Variants in PHF24 observed in about 807,000 individuals in gnomAD.
The protein encoded by PHF24 is Galpha inhibitory interacting protein.
Under a neutral mutation model 42.6 loss-of-function variants are expected in PHF24, and 25 were observed. The ratio of observed to expected loss-of-function variants is 0.59; its 90% confidence interval spans 0.43 to 0.82. The LOEUF is 0.82. Ranked by LOEUF, PHF24 falls within the 40% of genes least tolerant of loss-of-function variation. The pLI is 0.00. For synonymous variants in PHF24, 185 were observed against 204.8 expected, an observed-to-expected ratio of 0.90 and a Z score of 0.83; for missense variants, 470 against 538.1, an observed-to-expected ratio of 0.87 and a Z score of 1.25.
At chr9:34,835,685 G>T in the PHF24 span, 1 of 1,551,182 alleles carries the variant, frequency 6.4e-7, no homozygotes, top group African/African-American at 1.4e-5. Context: ...TGAAATTCCG[G>T]CCCTAGCTGG....
chr9:34,785,620 G>A, the PHF24 span, among the ~76,000 whole-genome samples: 1 of 152,134 alleles, frequency 6.6e-6, no homozygotes, highest in Non-Finnish European at 1.5e-5. Flanking sequence ...ATAGGTACAG[G>A]AAGTAATACA....
At chr9:34,965,998 A>G (rs1826753886) in intron 1 of PHF24, among the ~76,000 whole-genome samples, 2 of 152,342 alleles carry the variant, frequency 1.3e-5, no homozygotes, top group Non-Finnish European at 2.9e-5. Context: ...AACTTGTGAT[A>G]TAACTCCTGG....
At chr9:34,914,817 G>T in the PHF24 span, among the ~76,000 whole-genome samples, 1 of 151,440 alleles carries the variant, frequency 6.6e-6, no homozygotes, top group Non-Finnish European at 1.5e-5. Context: ...ACAAGGTCTT[G>T]CTCTGTCACC....
the PHF24 span, among the ~76,000 whole-genome samples, chr9:34,747,433 T>A: frequency 6.6e-6 from 1 of 151,684 alleles, no homozygotes; most frequent in Non-Finnish European, 1.5e-5. Flanking sequence ...GAAAAAAAAG[T>A]TATACAAATC....
At chr9:34,921,676 A>C in the PHF24 span, among the ~76,000 whole-genome samples, 2,919 of 152,286 alleles carry the variant, frequency 0.019, 30 homozygotes, top group African/African-American at 0.021. Context: ...GGGTATGCAC[A>C]TTGAGATTGA....
At chr9:34,903,978 C>T in the PHF24 span, among the ~76,000 whole-genome samples, 4 of 151,950 alleles carry the variant, frequency 2.6e-5, no homozygotes, top group African/African-American at 7.3e-5. Flanking sequence ...TTTGATTCTC[C>T]GCTTGGTCAC....
chr9:34,919,314 A>G, the PHF24 span, among the ~76,000 whole-genome samples: 16 of 152,226 alleles, frequency 1.1e-4, no homozygotes, highest in Non-Finnish European at 2.1e-4. Context: ...GAACATTTCA[A>G]ATCTTCTCTT....
the PHF24 span, among the ~76,000 whole-genome samples, chr9:34,822,665 G>T: frequency 5.9e-5 from 9 of 152,270 alleles, no homozygotes; most frequent in African/African-American, 2.2e-4. Flanking sequence ...AAAACTTGGA[G>T]GCCCGTCAGA....
At chr9:34,749,537 A>G in the PHF24 span, among the ~76,000 whole-genome samples, 1 of 150,922 alleles carries the variant, frequency 6.6e-6, no homozygotes, top group Non-Finnish European at 1.5e-5. Context: ...GTTCAAGACC[A>G]GCCTGGGCAA....
the PHF24 span, among the ~76,000 whole-genome samples, chr9:34,721,322 A>G: frequency 2.0e-5 from 3 of 151,884 alleles, no homozygotes; most frequent in African/African-American, 7.3e-5. Flanking sequence ...AATGCCTCAC[A>G]TTTCTGTATC....
At chr9:34,768,165 C>G in the PHF24 span, among the ~76,000 whole-genome samples, 1 of 152,162 alleles carries the variant, frequency 6.6e-6, no homozygotes, top group Admixed American at 6.5e-5. Context: ...AGTTCAAAGA[C>G]AAAATTAGAC....
chr9:34,780,265 T>C, the PHF24 span, among the ~76,000 whole-genome samples: 4 of 151,610 alleles, frequency 2.6e-5, no homozygotes, highest in South Asian at 8.3e-4. Flanking sequence ...ATGTTTTCTT[T>C]TCTTTTCTCT....
the PHF24 span, among the ~76,000 whole-genome samples, chr9:34,890,399 C>G: frequency 6.6e-6 from 1 of 152,192 alleles, no homozygotes; most frequent in African/African-American, 2.4e-5. Context: ...TAGGGCCCTC[C>G]AGGCTGGGTT....
the PHF24 span, among the ~76,000 whole-genome samples, chr9:34,728,285 G>A: frequency 6.6e-6 from 1 of 152,228 alleles, no homozygotes; most frequent in Admixed American, 6.5e-5. Flanking sequence ...ACCACAATGT[G>A]ATTGAGGCAG....
chr9:34,947,058 G>T, the PHF24 span, among the ~76,000 whole-genome samples: 45 of 152,170 alleles, frequency 3.0e-4, no homozygotes, highest in African/African-American at 1.1e-3. Flanking sequence ...TGCTCCATGT[G>T]GTTCTCATTC....
At chr9:34,729,280 C>G in the PHF24 span, 1 of 1,551,740 alleles carries the variant, frequency 6.4e-7, no homozygotes, top group Non-Finnish European at 8.7e-7. Flanking sequence ...GATCACAGCC[C>G]TACCCGGCAG....
the PHF24 span, among the ~76,000 whole-genome samples, chr9:34,886,255 TAA>T: frequency 2.9e-5 from 4 of 137,450 alleles, no homozygotes; most frequent in Non-Finnish European, 1.6e-5. Flanking sequence ...TCTCCTGTCT[TAA>T]AAAAAAAAAA....
chr9:34,842,127 A>G, the PHF24 span, among the ~76,000 whole-genome samples: 22 of 152,144 alleles, frequency 1.4e-4, no homozygotes, highest in East Asian at 5.8e-4. Flanking sequence ...ACTCAGCCCA[A>G]TTATTTGAAT....
the PHF24 span, among the ~76,000 whole-genome samples, chr9:34,742,558 A>G: frequency 6.6e-6 from 1 of 152,058 alleles, no homozygotes; most frequent in African/African-American, 2.4e-5. Context: ...TACGTCACCA[A>G]ATGTGGTGTA....
Sources: allele counts gnomAD v4.1 joint callset (sites outside exome capture counted in the v4.1 genomes callset), GRCh38; gene constraint gnomAD v4.1.1; transcripts MANE v1.5; gene names NCBI Gene and HGNC (gene_info 2026-07-23, HGNC 2026-07-21).